APOH: variants seen among roughly 807,000 people sequenced by gnomAD.
APOH encodes beta-2-glycoprotein 1.
In APOH, 48 loss-of-function variants were observed where a neutral mutation model predicts 39.8. The ratio of observed to expected loss-of-function variants is 1.21; its 90% CI spans 0.96 to 1.54. The LOEUF is 1.54. Among genes scored for constraint, APOH ranks in the 40% most tolerant of loss-of-function variants. APOH has a pLI of 0.00. For synonymous variants in APOH, 153 were observed against 151.1 expected, an observed-to-expected ratio of 1.01 and a Z score of -0.09; for missense variants, 415 against 421.2, an observed-to-expected ratio of 0.99 and a Z score of 0.13.
intron 7 of APOH, among the ~76,000 whole-genome samples, chr17:66,214,195 G>A (rs185727904): frequency 7.9e-5 from 12 of 152,206 alleles, no homozygotes; most frequent in East Asian, 7.7e-4. Context: ...AAGTAGCTGC[G>A]ATTACAGGCA....
rs1321068628 is a variant in APOH at position 66,223,869 on chromosome 17, T to G, written c.339-95A>C. The G allele has an allele frequency of 3.6e-6, 4 of 1,114,228 alleles. No individual in the cohort carries two copies. In the East Asian group the frequency reaches 9.5e-5, roughly 27 times the overall value. 69.0% of individuals were successfully genotyped at this position (1,114,228 alleles called of 1,614,324 possible). ...ATTGAGCATTGCTTCATGTTAATGC[T>G]ATTGACTTCTTTTCCATCGTATAAT... On this transcript the variant is annotated intron_variant, in intron 3 of 7. Coordinates refer to ENST00000205948, the MANE Select transcript of APOH (RefSeq NM_000042.3).
At position 66,216,958 on chromosome 17, in the gene APOH, C is replaced by G; in HGVS notation, c.614G>C (p.Cys205Ser). 6.3e-7 allele frequency: 1 copy of G among 1,588,654 alleles called. No homozygotes were observed. The highest frequency in any genetic ancestry group is 8.5e-7 in the Non-Finnish European group (1 of 1,169,686). Reference protein sequence around the residue: ...TKLPECREVKCPFPSRPDNGF... With the variant: ...TKLPECREVKSPFPSRPDNGF... ...ATTGTCTGGTCTTGATGGGAATGGG[C>G]ATTTTACTTCTAAAACATTTATTCA... Residue 205 changes from cysteine to serine, a missense_variant, in exon 6 of 8, where the codon TGC becomes TCC. By Grantham distance (112) the Cys-to-Ser change is moderately radical (BLOSUM62 -1). This residue lies in a region of APOH where 288 missense variants were observed against 284.9 expected (regional missense o/e 1.01). Transcript: ENST00000205948.
chr17:66,222,304 G>T (rs1404139530), intron 4 of APOH, among the ~76,000 whole-genome samples: 3 of 151,804 alleles, frequency 2.0e-5, no homozygotes, highest in Non-Finnish European at 2.9e-5. Context: ...GGATCACTTG[G>T]CCCCAGGAGA....
chr17:66,224,681 G>C (rs200075416), intron 3 of APOH, among the ~76,000 whole-genome samples: 1 of 30,454 alleles, frequency 3.3e-5, no homozygotes, highest in Admixed American at 4.1e-4. Flanking sequence ...GGGAAGGGAA[G>C]GGAAGGGAAG....
chr17:66,220,683 A>C lies in APOH; in HGVS notation c.475T>G (p.Ser159Ala), dbSNP rs374802024. ...CGATAGAGGGAATTGTTTCCAGCTG[A>C]TGGCTTATAAACACGAAGTGTTGCA... Reference protein sequence around the residue: ...TFATLRVYKPSAGNNSLYRDT... With the variant: ...TFATLRVYKPAAGNNSLYRDT... Residue 159 changes from serine to alanine, a missense_variant, in exon 5 of 8, where the codon TCA (serine) becomes GCA (alanine). Coordinates refer to ENST00000205948, the MANE Select transcript of APOH (RefSeq NM_000042.3). 28 of 1,614,176 alleles carry C rather than the reference A, an allele frequency of 1.7e-5. No homozygotes were observed. The East Asian group carries it at 5.3e-4, about 31-fold the overall frequency.
intron 7 of APOH, among the ~76,000 whole-genome samples, 187 bp from the exon 8 acceptor site, chr17:66,212,375 T>A (rs1163291013): frequency 6.6e-6 from 1 of 152,084 alleles, no homozygotes; most frequent in Non-Finnish European, 1.5e-5. Flanking sequence ...ACCCTCATTT[T>A]CTTTTTCTTT....
chr17:66,228,330 T>A, intron 1 of APOH, 134 bp from the exon 2 acceptor site: 1 of 837,184 alleles, frequency 1.2e-6, no homozygotes, highest in Non-Finnish European at 1.9e-6. Context: ...ATACCTCATA[T>A]ACACTATCTC....
intron 7 of APOH, 115 bp from the exon 8 acceptor site, chr17:66,212,303 G>T: frequency 1.2e-6 from 1 of 803,516 alleles, no homozygotes; most frequent in Non-Finnish European, 2.1e-6. Flanking sequence ...ATGTGATTAT[G>T]TGAATGAAAC....
chr17:66,223,839 T>G, intron 3 of APOH, 65 bp from the exon 4 acceptor site: 1 of 1,375,404 alleles, frequency 7.3e-7, no homozygotes. Context: ...TCAAATATCT[T>G]CTCCATTGAG....
At chr17:66,213,905 TTCA>T (rs1412623394) in intron 7 of APOH, among the ~76,000 whole-genome samples, 2 of 151,924 alleles carry the variant, frequency 1.3e-5, no homozygotes, top group Non-Finnish European at 2.9e-5. Flanking sequence ...AACACTGCAC[TTCA>T]GCCTGGGTGA....
chr17:66,215,049 G>A (rs1466842255), intron 6 of APOH, among the ~76,000 whole-genome samples: 2 of 152,040 alleles, frequency 1.3e-5, no homozygotes, highest in Non-Finnish European at 2.9e-5. Flanking sequence ...GCTGATAACA[G>A]CTCATAAATA....
chr17:66,221,416 G>GAAGGGAGGAAGGAAGGA (rs2073401875), intron 4 of APOH, among the ~76,000 whole-genome samples: 3 of 111,722 alleles, frequency 2.7e-5, no homozygotes, highest in African/African-American at 1.2e-4. Flanking sequence ...AGGAAGGAAG[G>GAAGGGAGGAAGGAAGGA]AAGGAAGGAA....
chr17:66,224,028 A>G (rs1442068097), intron 3 of APOH, among the ~76,000 whole-genome samples: 3 of 152,162 alleles, frequency 2.0e-5, no homozygotes, highest in African/African-American at 7.2e-5. Flanking sequence ...ATCTTTAAAG[A>G]GTTGGCCAAG....
chr17:66,222,412 G>A lies in APOH; in HGVS notation c.415+1286C>T, dbSNP rs116401414. On this transcript the variant is annotated intron_variant, in intron 4 of 7. Coordinates refer to ENST00000205948, the MANE Select transcript of APOH (RefSeq NM_000042.3). ...ATAAAGAAGCAAATTTACATAATCG[G>A]TATAAATCTGTTTTAAGTGAAAACT... 1.9e-3 allele frequency among the ~76,000 whole-genome samples: 291 copies of A among 152,122 alleles called. 2 individuals carry two copies. The highest frequency in any genetic ancestry group is 6.6e-3 in the African/African-American group (273 of 41,496).
intron 2 of APOH, among the ~76,000 whole-genome samples, chr17:66,226,536 G>A (rs947036011): frequency 1.3e-5 from 2 of 151,698 alleles, no homozygotes; most frequent in African/African-American, 4.9e-5. Context: ...TCTGGATGCT[G>A]AGGCAGGAGA....
rs199721603 is a variant in APOH at position 66,220,545 on chromosome 17, T to C, written c.604+9A>G. ...TACCATGCGTATTTTGTCTGATCAT[T>C]GCACTTACCCCTGCATTCTGGTAAT... On this transcript the variant is annotated intron_variant, in intron 5 of 7. Coordinates refer to ENST00000205948, the MANE Select transcript of APOH (RefSeq NM_000042.3). 4.3e-6 allele frequency: 7 copies of C among 1,612,918 alleles called. 1 individual carries two copies. In the East Asian group the frequency reaches 1.3e-4, roughly 31 times the overall value.
chr17:66,212,824 A>G (rs1211042672), intron 7 of APOH, among the ~76,000 whole-genome samples: 1 of 152,236 alleles, frequency 6.6e-6, no homozygotes, highest in Non-Finnish European at 1.5e-5. Flanking sequence ...AAGATCCTGA[A>G]GAAATATATC....
intron 6 of APOH, among the ~76,000 whole-genome samples, chr17:66,216,254 G>A (rs903683484): frequency 4.6e-5 from 7 of 151,786 alleles, no homozygotes; most frequent in Admixed American, 1.3e-4. Context: ...AGGCCGAGGC[G>A]GGCGGATCAC....
At chr17:66,221,299 AGGGAG>A (rs1567740121) in intron 4 of APOH, among the ~76,000 whole-genome samples, 18 of 130,072 alleles carry the variant, frequency 1.4e-4, no homozygotes, top group African/African-American at 4.9e-4. Context: ...GGAAGTCAGA[AGGGAG>A]GGAGGGAGGG....
Sources: allele counts gnomAD v4.1 joint callset (sites outside exome capture counted in the v4.1 genomes callset), GRCh38; gene constraint gnomAD v4.1.1; regional missense constraint gnomAD v4.1.1; transcripts MANE v1.5; gene names NCBI Gene and HGNC (gene_info 2026-07-23, HGNC 2026-07-21).